The following SPATA16 variants were observed in gnomAD, a reference collection of about 807,000 sequenced individuals.
SPATA16 encodes spermatogenesis-associated protein 16.
SPATA16 carries 36 observed loss-of-function variants against 63.3 expected under a neutral mutation model. That is an observed-to-expected ratio of 0.57 (90% CI 0.44 to 0.75). The LOEUF is 0.75. SPATA16 is among the 30% of genes least tolerant of loss of function. The probability of loss-of-function intolerance (pLI) is 0.00; values close to 1 mark genes in which losing one functional copy is unlikely to be tolerated. For missense variants in SPATA16, 646 were observed against 679.3 expected (o/e 0.95, Z 0.54); for synonymous variants, 203 against 216.7 (o/e 0.94, Z 0.56).
intron 6 of SPATA16, among the ~76,000 whole-genome samples, chr3:172,938,149 T>C (rs1733052848): frequency 6.6e-6 from 1 of 152,182 alleles, no homozygotes; most frequent in Admixed American, 6.5e-5. Flanking sequence ...TGTTGCAAAA[T>C]GGAGCAACAG....
intron 2 of SPATA16, among the ~76,000 whole-genome samples, chr3:173,106,863 C>G (rs1378638683): frequency 6.6e-6 from 1 of 152,092 alleles, no homozygotes; most frequent in African/African-American, 2.4e-5. Flanking sequence ...CCTATCTTTT[C>G]CATTGGTACT....
chr3:172,974,468 A>G (rs9870663), intron 5 of SPATA16, among the ~76,000 whole-genome samples: 5,916 of 151,982 alleles, frequency 0.039, 391 homozygotes, highest in African/African-American at 0.14. Context: ...TAAAGATGGC[A>G]TAGACTTGGC....
chr3:172,913,722 G>A lies in SPATA16; in HGVS notation c.1526C>T (p.Ala509Val), dbSNP rs115095786. Residue 509 changes from alanine (A) to valine (V), a missense_variant, in exon 10 of 11, where the codon GCT becomes GTT. Transcript: ENST00000351008. ...TCTTCTTCCTTCAAGGGTGTCCATA[G>A]CATCTGCCATTAGTGACTGCAGCTG... ...AELLQSLMAD[A>V]MDTLEGRRNN... 0.021 allele frequency: 34,596 copies of A among 1,613,078 alleles called. 455 individuals are homozygous for A. The highest frequency in any genetic ancestry group is 0.047 in the Middle Eastern group (282 of 6,052).
At chr3:173,091,664 G>A (rs1737223876) in intron 2 of SPATA16, among the ~76,000 whole-genome samples, 1 of 152,076 alleles carries the variant, frequency 6.6e-6, no homozygotes, top group Admixed American at 6.6e-5. Flanking sequence ...ATGTTTAAAT[G>A]AAATGTATTA....
At position 173,019,554 on chromosome 3, in the gene SPATA16, G is replaced by C. The variant is rs757162938; in HGVS notation, c.780C>G (p.Ala260=). 2 of 1,613,842 alleles carry C rather than the reference G, an allele frequency of 1.2e-6. No homozygotes were observed. The highest frequency in any genetic ancestry group is 1.7e-6 in the Non-Finnish European group (2 of 1,179,946). The change falls in exon 4 of 11, where the codon GCC becomes GCG. Residue 260 remains alanine (A), a synonymous_variant. Coordinates refer to ENST00000351008, the MANE Select transcript of SPATA16 (RefSeq NM_031955.6). ...HAHRSIVLNP[A]YFRNHLRQAT... ...CTTGACGAAGATGATTCCGGAAATA[G>C]GCTGGGTTTAAAACAATGCTCCTGT...
At chr3:173,021,375 T>A (rs888016038) in intron 3 of SPATA16, among the ~76,000 whole-genome samples, 12 of 152,176 alleles carry the variant, frequency 7.9e-5, no homozygotes, top group African/African-American at 2.9e-4. Flanking sequence ...GTTAATGAGG[T>A]TTTACTGTAC....
In SPATA16 at chr3:172,977,345, G is replaced by C. The variant is rs535622195; in HGVS notation, c.849-293C>G. On this transcript the variant is annotated intron_variant, in intron 4 of 10. Transcript: ENST00000351008. ...TTTAAAGATTATGAGAGAATGTTTT[G>C]TTTTGGTTGGCCTATATTAAGCTTC... Among the ~76,000 whole-genome samples, 4 of 152,196 alleles carry C rather than the reference G, an allele frequency of 2.6e-5. No homozygotes were observed. In the South Asian group the frequency reaches 8.3e-4, roughly 32 times the overall value.
intron 2 of SPATA16, among the ~76,000 whole-genome samples, chr3:173,092,384 C>T (rs558548804): frequency 6.6e-6 from 1 of 152,138 alleles, no homozygotes; most frequent in African/African-American, 2.4e-5. Flanking sequence ...ATATCCTACT[C>T]CCTGGAACCT....
At chr3:172,912,648 A>C (rs1200651110) in intron 10 of SPATA16, among the ~76,000 whole-genome samples, 1 of 152,100 alleles carries the variant, frequency 6.6e-6, no homozygotes, top group Admixed American at 6.6e-5. Flanking sequence ...TTTTCTCTTC[A>C]TTATGATTGT....
rs780813321 is a variant in SPATA16, at chr3:172,924,260, A to G, written c.1286T>C (p.Met429Thr). Reference sequence around the variant, plus strand: ...CAATATTGGCAAGATTCGCTTCCCCATTGTCTCCATTTGCCTCACTGTATC... The same window carrying G: ...CAATATTGGCAAGATTCGCTTCCCCGTTGTCTCCATTTGCCTCACTGTATC... ...REDTVRQMET[M>T]GKRILPILDF... is the part of the protein sequence containing the mutation. Residue 429 changes from methionine (M) to threonine (T), a missense_variant, in exon 8 of 11, where the codon ATG becomes ACG. Met to Thr is a moderately conservative substitution (Grantham distance 81). Coordinates refer to ENST00000351008, the MANE Select transcript of SPATA16 (RefSeq NM_031955.6). 8 of 1,613,346 alleles carry G rather than the reference A, an allele frequency of 5.0e-6. No individual in the cohort carries two copies. Among genetic ancestry groups the G allele is most frequent in the South Asian group, 2.2e-5 (2 of 91,080 alleles).
At chr3:172,962,253 CAAA>C (rs71162320) in intron 5 of SPATA16, among the ~76,000 whole-genome samples, 1 of 47,708 alleles carries the variant, frequency 2.1e-5, no homozygotes, top group East Asian at 7.9e-4. Flanking sequence ...GACTCTGTCT[CAAA>C]AAAAAAAAAA....
intron 6 of SPATA16, among the ~76,000 whole-genome samples, chr3:172,934,663 A>G (rs906455070): frequency 6.6e-6 from 1 of 152,138 alleles, no homozygotes; most frequent in Non-Finnish European, 1.5e-5. Context: ...ATTATGTACA[A>G]AATTATTATT....
intron 6 of SPATA16, among the ~76,000 whole-genome samples, chr3:172,928,446 A>G (rs1223464155): frequency 1.3e-5 from 2 of 152,202 alleles, no homozygotes; most frequent in Admixed American, 1.3e-4. Flanking sequence ...GAAGTTGCCA[A>G]TAACTGGATT....
At chr3:172,982,934 C>CAA (rs113862600) in intron 4 of SPATA16, among the ~76,000 whole-genome samples, 3 of 151,288 alleles carry the variant, frequency 2.0e-5, no homozygotes, top group African/African-American at 7.3e-5. Context: ...TATGGGTAAA[C>CAA]AAAAAAAAAT....
At chr3:173,068,631 C>A (rs1156416516) in intron 2 of SPATA16, among the ~76,000 whole-genome samples, 5 of 151,968 alleles carry the variant, frequency 3.3e-5, no homozygotes, top group Non-Finnish European at 7.4e-5. Context: ...TGAAAAATTT[C>A]TTGAAACAAA....
At chr3:173,131,099 A>T (rs1738372111) in intron 1 of SPATA16, among the ~76,000 whole-genome samples, 1 of 152,236 alleles carries the variant, frequency 6.6e-6, no homozygotes, top group African/African-American at 2.4e-5. Flanking sequence ...TCATCCACTA[A>T]TATTTCCCCA....
chr3:172,929,270 A>C (rs1213349792), intron 6 of SPATA16, among the ~76,000 whole-genome samples: 1 of 152,228 alleles, frequency 6.6e-6, no homozygotes, highest in Non-Finnish European at 1.5e-5. Context: ...ACAGCTCCAA[A>C]TTTTTACCAT....
At chr3:172,957,769 A>C (rs971086140) in intron 5 of SPATA16, among the ~76,000 whole-genome samples, 1 of 152,208 alleles carries the variant, frequency 6.6e-6, no homozygotes, top group Admixed American at 6.5e-5. Context: ...TTTAACAAAC[A>C]ACAATTTACA....
intron 10 of SPATA16, among the ~76,000 whole-genome samples, chr3:172,899,745 G>T (rs558643904): frequency 1.5e-3 from 221 of 151,996 alleles, no homozygotes; most frequent in Middle Eastern, 3.4e-3. Context: ...ATTCCATTTT[G>T]ACATAACTAG....
Sources: gnomAD v4.1 joint callset for allele counts (sites outside exome capture counted in the v4.1 genomes callset) on GRCh38, gnomAD v4.1.1 for gene constraint, MANE v1.5 for transcripts, NCBI Gene and HGNC (gene_info 2026-07-23, HGNC 2026-07-21) for gene names.